The following FAM117B variants were observed in gnomAD, a reference collection of about 807,000 sequenced individuals.
The protein encoded by FAM117B is family with sequence similarity 117 member B, also known as protein FAM117B.
A neutral mutation model predicts 52.8 loss-of-function variants in FAM117B; 22 were observed. That is an observed-to-expected ratio of 0.42 (90% confidence interval 0.30 to 0.59). The LOEUF is 0.59. Ranked by LOEUF, FAM117B falls within the 20% of genes least tolerant of loss-of-function variation. The pLI is 0.22. For missense variants in FAM117B, 678 were observed against 802.6 expected (o/e 0.84, Z 1.88); for synonymous variants, 309 against 324.1 (o/e 0.95, Z 0.50).
intron 4 of FAM117B, among the ~76,000 whole-genome samples, chr2:202,735,630 C>G (rs1691426198): frequency 6.6e-6 from 1 of 152,086 alleles, no homozygotes; most frequent in Non-Finnish European, 1.5e-5. Context: ...ATGAAATTGT[C>G]TCATTAGAAA....
intron 1 of FAM117B, among the ~76,000 whole-genome samples, chr2:202,660,850 T>A (rs1690117706): frequency 6.6e-6 from 1 of 152,230 alleles, no homozygotes; most frequent in African/African-American, 2.4e-5. Flanking sequence ...TTTAGGTGCC[T>A]TTGTGGTCAC....
At chr2:202,731,368 T>TATA (rs780138718) in intron 4 of FAM117B, among the ~76,000 whole-genome samples, 4 of 95,840 alleles carry the variant, frequency 4.2e-5, no homozygotes, top group African/African-American at 1.4e-4. Flanking sequence ...TATATATATA[T>TATA]GGAGAGAGAG....
intron 1 of FAM117B, among the ~76,000 whole-genome samples, chr2:202,666,732 G>A (rs1303067388): frequency 2.7e-5 from 4 of 148,516 alleles, no homozygotes; most frequent in East Asian, 2.0e-4. Flanking sequence ...GCAGTGGCGC[G>A]ATCTTGGCTC....
intron 5 of FAM117B, among the ~76,000 whole-genome samples, 197 bp from the exon 6 acceptor site, chr2:202,757,016 T>G (rs1463531523): frequency 6.6e-6 from 1 of 152,040 alleles, no homozygotes; most frequent in Admixed American, 6.6e-5. Context: ...GAATACAAAG[T>G]CTTCACCGAA....
intron 2 of FAM117B, among the ~76,000 whole-genome samples, chr2:202,701,327 A>G (rs1690792306): frequency 6.6e-6 from 1 of 152,236 alleles, no homozygotes; most frequent in South Asian, 2.1e-4. Flanking sequence ...GATTACTTTC[A>G]GAATGTTACT....
intron 1 of FAM117B, among the ~76,000 whole-genome samples, chr2:202,647,817 G>A (rs187693690): frequency 1.2e-4 from 19 of 152,182 alleles, no homozygotes; most frequent in South Asian, 4.1e-4. Context: ...TATTCTGTTA[G>A]TATTATTTAA....
intron 2 of FAM117B, among the ~76,000 whole-genome samples, chr2:202,714,004 G>T (rs1397308285): frequency 6.6e-6 from 1 of 152,124 alleles, no homozygotes; most frequent in African/African-American, 2.4e-5. Flanking sequence ...ACTGCGCCTG[G>T]CCCTCCATTA....
chr2:202,737,223 C>G (rs1234282397), intron 4 of FAM117B, among the ~76,000 whole-genome samples: 1 of 152,004 alleles, frequency 6.6e-6, no homozygotes, highest in Non-Finnish European at 1.5e-5. Flanking sequence ...ATGTAACTGT[C>G]TCTAGGAAAG....
chr2:202,709,882 T>C (rs909659374), intron 2 of FAM117B, among the ~76,000 whole-genome samples: 1 of 152,154 alleles, frequency 6.6e-6, no homozygotes, highest in Non-Finnish European at 1.5e-5. Context: ...CCAGCACCAT[T>C]TGTTGAAGAG....
At chr2:202,687,148 C>T (rs1024284422) in intron 1 of FAM117B, among the ~76,000 whole-genome samples, 3 of 152,160 alleles carry the variant, frequency 2.0e-5, no homozygotes, top group African/African-American at 7.2e-5. Flanking sequence ...CAACAACAAG[C>T]ATGGATCTCA....
chr2:202,659,937 T>C (rs1305006450), intron 1 of FAM117B, among the ~76,000 whole-genome samples: 2 of 151,894 alleles, frequency 1.3e-5, no homozygotes, highest in East Asian at 1.9e-4. Flanking sequence ...GCTCATTTTT[T>C]CCCCCACCTT....
chr2:202,637,797 A>T (rs1689710482), intron 1 of FAM117B, among the ~76,000 whole-genome samples: 2 of 152,030 alleles, frequency 1.3e-5, no homozygotes, highest in African/African-American at 4.8e-5. Flanking sequence ...TATATCAAGG[A>T]AGTGACATCA....
At chr2:202,701,990 A>G (rs1690801526) in intron 2 of FAM117B, among the ~76,000 whole-genome samples, 1 of 152,192 alleles carries the variant, frequency 6.6e-6, no homozygotes, top group African/African-American at 2.4e-5. Context: ...TTTGAGAGAA[A>G]TTGTACTATG....
chr2:202,675,720 C>T (rs1232248495), intron 1 of FAM117B, among the ~76,000 whole-genome samples: 1 of 152,018 alleles, frequency 6.6e-6, no homozygotes, highest in Non-Finnish European at 1.5e-5. Flanking sequence ...TGTGGCAGCT[C>T]ACCCCTGTAA....
Position 202,641,433 on chromosome 2 carries a change from G to A in FAM117B, c.601+5645G>A, listed in dbSNP as rs143474050. Among the ~76,000 whole-genome samples, 28 of 152,296 alleles carry A rather than the reference G, an allele frequency of 1.8e-4. 1 individual carries two copies. The highest frequency in any genetic ancestry group is 6.7e-4 in the African/African-American group (28 of 41,568). On this transcript the variant is annotated intron_variant, in intron 1 of 7. Coordinates refer to ENST00000392238, the MANE Select transcript of FAM117B (RefSeq NM_173511.4). ...TATATACATTAGAAAGTATTCCATG[G>A]TTAATAGTATGTACTCTGGAGCCAG...
chr2:202,693,854 A>T (rs989107881), intron 1 of FAM117B, among the ~76,000 whole-genome samples: 4 of 152,004 alleles, frequency 2.6e-5, no homozygotes, highest in African/African-American at 9.7e-5. Flanking sequence ...TCTGCAATTC[A>T]TTGTTATGTG....
chr2:202,765,787 G>A lies in FAM117B; in HGVS notation c.*23G>A. 4 of 1,605,174 alleles carry A rather than the reference G, an allele frequency of 2.5e-6. No individual in the cohort carries two copies. The highest frequency in any genetic ancestry group is 3.4e-6 in the Non-Finnish European group (4 of 1,174,544). Reference sequence around the variant, plus strand: ...TAGGTCACAGTGCAACGTGGCTGTTGTTCTGGGAAATTGGGAACCTCCTCA... The same window carrying A: ...TAGGTCACAGTGCAACGTGGCTGTTATTCTGGGAAATTGGGAACCTCCTCA... On this transcript the variant is annotated 3_prime_UTR_variant, in exon 8 of 8. Coordinates refer to ENST00000392238, the MANE Select transcript of FAM117B (RefSeq NM_173511.4).
At chr2:202,724,334 C>T (rs148947762) in intron 2 of FAM117B, among the ~76,000 whole-genome samples, 2,425 of 152,224 alleles carry the variant, frequency 0.016, 66 homozygotes, top group African/African-American at 0.055. Flanking sequence ...TGAGCCACCG[C>T]GCCCAGCCAG....
At chr2:202,696,469 C>T (rs1035295921) in intron 2 of FAM117B, among the ~76,000 whole-genome samples, 1 of 152,124 alleles carries the variant, frequency 6.6e-6, no homozygotes, top group Non-Finnish European at 1.5e-5. Context: ...GAATTTATGT[C>T]GGGCTGCATT....
Sources: gnomAD v4.1 joint callset for allele counts (sites outside exome capture counted in the v4.1 genomes callset) on GRCh38, gnomAD v4.1.1 for gene constraint, MANE v1.5 for transcripts, NCBI Gene and HGNC (gene_info 2026-07-23, HGNC 2026-07-21) for gene names.